Variants in KCNAB2 observed in about 807,000 individuals in gnomAD.
KCNAB2 encodes the protein voltage-gated potassium channel subunit beta-2.
KCNAB2 carries 29 observed loss-of-function variants against 63.6 expected under a neutral mutation model. That is an observed-to-expected ratio of 0.46 (90% CI 0.34 to 0.62). The LOEUF is 0.62. KCNAB2 is among the 20% of genes least tolerant of loss of function. The probability of loss-of-function intolerance (pLI) is 0.01; values close to 1 mark genes in which losing one functional copy is unlikely to be tolerated. For synonymous variants in KCNAB2, 222 were observed against 224.2 expected (o/e 0.99, Z 0.09); for missense variants, 359 against 563.9 (o/e 0.64, Z 3.68).
At chr1:6,056,340 C>T (rs1490798295) in intron 2 of KCNAB2, among the ~76,000 whole-genome samples, 7 of 152,122 alleles carry the variant, frequency 4.6e-5, no homozygotes, top group African/African-American at 9.7e-5. Flanking sequence ...CCACCGCGCC[C>T]GGCCTACACT....
intron 1 of KCNAB2, among the ~76,000 whole-genome samples, chr1:6,050,437 C>A (rs559853295): frequency 6.6e-6 from 1 of 152,358 alleles, no homozygotes; most frequent in African/African-American, 2.4e-5. Context: ...CTGTCACAGA[C>A]TCTGCAGGGT....
At chr1:6,007,782 C>A (rs1464478635) in intron 1 of KCNAB2, 1 of 152,340 alleles carries the variant, frequency 6.6e-6, no homozygotes. Flanking sequence ...AGGGGATGGC[C>A]AAGAGAACCT....
At chr1:6,054,253 C>A (rs1438884441) in intron 2 of KCNAB2, among the ~76,000 whole-genome samples, 1 of 151,882 alleles carries the variant, frequency 6.6e-6, no homozygotes, top group Non-Finnish European at 1.5e-5. Flanking sequence ...CTCGGTGTTA[C>A]CGGTGGAGGG....
In KCNAB2 at chr1:6,096,680, G is replaced by T. The variant is rs1400949573; in HGVS notation, c.993G>T (p.Arg331=). The change falls in exon 14 of 16, where the codon CGG becomes CGT. Residue 331 remains arginine (R), a synonymous_variant. Transcript: ENST00000378083. This position sits in a 1 kb window ranked among gnomAD's most constrained non-coding sequence, Gnocchi z 5.9. ...ACAAGATCCTCAGTGAGGAGGGCCG[G>T]CGCCAGCAAGCCAAGCTGAAGGAGC... ...LKDKILSEEG[R]RQQAKLKELQ... is the part of the protein sequence containing the mutation. 6.2e-7 allele frequency: 1 copy of T among 1,607,980 alleles called. No individual in the cohort carries two copies. The highest frequency in any genetic ancestry group is 8.5e-7 in the Non-Finnish European group (1 of 1,178,418).
intron 7 of KCNAB2, among the ~76,000 whole-genome samples, chr1:6,088,771 C>T (rs533713643): frequency 4.9e-4 from 73 of 149,508 alleles, no homozygotes; most frequent in African/African-American, 1.7e-3. Flanking sequence ...AAAATCAAAG[C>T]CCCCCACCCC....
chr1:6,088,705 AT>A (rs67218615), intron 7 of KCNAB2, among the ~76,000 whole-genome samples: 172 of 48,354 alleles, frequency 3.6e-3, no homozygotes, highest in African/African-American at 0.01. Flanking sequence ...AATTTAAAAA[AT>A]AATAATAATA....
chr1:6,091,583 G>A (rs919801860), intron 10 of KCNAB2, among the ~76,000 whole-genome samples: 15 of 150,910 alleles, frequency 9.9e-5, no homozygotes, highest in Admixed American at 4.0e-4. Flanking sequence ...CGCGGCGGCC[G>A]GGGGTCCTCT....
At chr1:6,062,883 A>G (rs1216606134) in intron 2 of KCNAB2, among the ~76,000 whole-genome samples, 1 of 152,194 alleles carries the variant, frequency 6.6e-6, no homozygotes, top group Non-Finnish European at 1.5e-5. Context: ...AGCAGTTTTC[A>G]TGTATTCAGA....
At chr1:6,043,609 G>C (rs1178801319), upstream of KCNAB2, among the ~76,000 whole-genome samples, 1 of 152,194 alleles carries the variant, frequency 6.6e-6, no homozygotes, top group Non-Finnish European at 1.5e-5. Context: ...ACCTCTAAGG[G>C]CTAGGGTCTT....
In KCNAB2 at chr1:6,005,925, C is replaced by T. The variant is rs1657654999; in HGVS notation, c.-53+13137C>T. Among the ~76,000 whole-genome samples the T allele has an allele frequency of 3.0e-5, 4 of 132,482 alleles. No individual in the cohort carries two copies. In the South Asian group the frequency reaches 7.6e-4, roughly 25 times the overall value. The allele number at this position is 132,482 out of a possible 152,430, so 86.9% of individuals were successfully genotyped here. ...CCCCTCAGCTCAGCTCCCACATCCC[C>T]CCACTCCACCCTCACCCCTCAGCTC... is the stretch of plus-strand genomic sequence containing the variant. On this transcript the variant is annotated intron_variant, in intron 1 of 16. Coordinates refer to the KCNAB2 transcript ENST00000341524.
chr1:6,068,291 G>A (rs950551077), intron 2 of KCNAB2, among the ~76,000 whole-genome samples: 27 of 152,360 alleles, frequency 1.8e-4, no homozygotes, highest in East Asian at 1.9e-4. Flanking sequence ...ATGCACACAC[G>A]TGCGTGCTGG....
chr1:6,026,993 G>A (rs972595809), intron 1 of KCNAB2, among the ~76,000 whole-genome samples: 2 of 152,206 alleles, frequency 1.3e-5, no homozygotes, highest in African/African-American at 4.8e-5. Flanking sequence ...TCCCCCTTGG[G>A]GCTGAGCACA....
chr1:6,085,217 C>T lies in KCNAB2; in HGVS notation c.394C>T (p.Leu132=), dbSNP rs778849824. 8.7e-6 allele frequency: 14 copies of T among 1,614,064 alleles called. No individual in the cohort carries two copies. The South Asian group carries it at 1.5e-4, about 18-fold the overall frequency. Residue 132 remains leucine (L), a synonymous_variant, in exon 6 of 16, where the codon CTG becomes TTG. Transcript: ENST00000378083. ...CTTGTTTTGCAGGGCTGAAGTGGTA[C>T]TGGGAAACATCATTAAGAAGAAAGG... ...VYAAGKAEVV[L]GNIIKKKGWR...
upstream of KCNAB2, among the ~76,000 whole-genome samples, chr1:6,040,997 A>G (rs575737942): frequency 6.6e-6 from 1 of 152,296 alleles, no homozygotes; most frequent in South Asian, 2.1e-4. Context: ...CTCCCACTTT[A>G]TACATCGCAG....
upstream of KCNAB2, among the ~76,000 whole-genome samples, chr1:6,043,776 T>G (rs556318399): frequency 5.3e-5 from 8 of 152,304 alleles, no homozygotes; most frequent in African/African-American, 1.9e-4. Flanking sequence ...CCCATGCAGC[T>G]CCCAGGCAAG....
At chr1:6,088,903 G>T in intron 7 of KCNAB2, 105 bp from the exon 8 acceptor site, 1 of 1,092,214 alleles carries the variant, frequency 9.2e-7, no homozygotes. Flanking sequence ...CACGGCATTT[G>T]CTGACCCTGT....
chr1:6,013,739 C>T (rs947621286), intron 1 of KCNAB2, among the ~76,000 whole-genome samples: 3 of 152,164 alleles, frequency 2.0e-5, no homozygotes, highest in Admixed American at 6.5e-5. Flanking sequence ...TCTCCCCGCC[C>T]TTGCCCAGGT....
upstream of KCNAB2, among the ~76,000 whole-genome samples, chr1:6,029,301 A>AC (rs1448068700): frequency 6.7e-6 from 1 of 150,002 alleles, no homozygotes; most frequent in African/African-American, 2.4e-5. Flanking sequence ...AAAAAAAAAA[A>AC]GATGAGCCTT....
chr1:6,027,668 T>C (rs1035587332), intron 1 of KCNAB2, among the ~76,000 whole-genome samples: 5 of 152,350 alleles, frequency 3.3e-5, no homozygotes, highest in East Asian at 3.9e-4. Flanking sequence ...TTTGAAGAGA[T>C]TGAAATTTCT....
Sources: allele counts gnomAD v4.1 joint callset (sites outside exome capture counted in the v4.1 genomes callset), GRCh38; gene constraint gnomAD v4.1.1; non-coding constraint Gnocchi (gnomAD v3.1); transcripts MANE v1.5; gene names NCBI Gene and HGNC (gene_info 2026-07-23, HGNC 2026-07-21).